FOXN3: variants seen among roughly 807,000 people sequenced by gnomAD.
FOXN3 encodes forkhead box N3.
In FOXN3, 7 loss-of-function variants were observed where a neutral mutation model predicts 38.4. The observed-to-expected ratio is 0.18, with a 90% CI of 0.10 to 0.34. The LOEUF is 0.34. FOXN3 is among the 10% of genes least tolerant of loss of function. FOXN3 has a pLI of 1.00. For synonymous variants in FOXN3, 230 were observed against 242.2 expected (o/e 0.95, Z 0.47); for missense variants, 456 against 613.4 (o/e 0.74, Z 2.71).
At position 89,301,408 on chromosome 14, in the gene FOXN3, T is replaced by C. The variant is rs112846206; in HGVS notation, c.681-20394A>G. Reference sequence around the variant, plus strand: ...GGAGGATCACTTGAACCCAGGAACTTGTGGCTGCCATGAGCCATGATCATG... The same window carrying C: ...GGAGGATCACTTGAACCCAGGAACTCGTGGCTGCCATGAGCCATGATCATG... On this transcript the variant is annotated intron_variant, in intron 3 of 5. Coordinates refer to ENST00000557258, the MANE Select transcript of FOXN3 (RefSeq NM_005197.4). Among the ~76,000 whole-genome samples the C allele has an allele frequency of 8.5e-3, 1,288 of 151,930 alleles. 21 individuals are homozygous for C. Among genetic ancestry groups the C allele is most frequent in the African/African-American group, 0.027 (1,132 of 41,412 alleles).
At chr14:89,581,401 GAACCCAGGAGGC>G (rs1325028613) in intron 1 of FOXN3, among the ~76,000 whole-genome samples, 2 of 151,628 alleles carry the variant, frequency 1.3e-5, no homozygotes, top group African/African-American at 4.8e-5. Context: ...AGAATCACTT[GAACCCAGGAGGC>G]AGAGGTTGCA....
intron 1 of FOXN3, among the ~76,000 whole-genome samples, chr14:89,555,884 G>GGGGGGGGGGGGTGT (rs1895112741): frequency 1.1e-5 from 1 of 90,184 alleles, no homozygotes; most frequent in Non-Finnish European, 2.5e-5. Flanking sequence ...TGTATGTGGG[G>GGGGGGGGGGGGTGT]GTGTATGTGG....
At chr14:89,335,442 A>G (rs1342000119) in intron 3 of FOXN3, among the ~76,000 whole-genome samples, 2 of 152,264 alleles carry the variant, frequency 1.3e-5, no homozygotes, top group African/African-American at 4.8e-5. Flanking sequence ...GGCACAGCCA[A>G]AATGACCAAC....
intron 1 of FOXN3, among the ~76,000 whole-genome samples, chr14:89,447,793 G>C (rs1892533791): frequency 6.8e-6 from 1 of 147,000 alleles, no homozygotes; most frequent in African/African-American, 2.5e-5. Flanking sequence ...CATCCGCAGT[G>C]GTTTCCTGAT....
chr14:89,550,020 G>C (rs536388152), intron 1 of FOXN3, among the ~76,000 whole-genome samples: 1 of 152,208 alleles, frequency 6.6e-6, no homozygotes, highest in Non-Finnish European at 1.5e-5. Flanking sequence ...AGCAGGACTA[G>C]AGAGTTTTGC....
At chr14:89,305,066 A>G (rs1887332132) in intron 3 of FOXN3, among the ~76,000 whole-genome samples, 1 of 152,074 alleles carries the variant, frequency 6.6e-6, no homozygotes, top group South Asian at 2.1e-4. Flanking sequence ...CATTTTACGA[A>G]GTTGTCCTAG....
At chr14:89,174,534 A>G (rs1041927137) in intron 5 of FOXN3, among the ~76,000 whole-genome samples, 9 of 152,218 alleles carry the variant, frequency 5.9e-5, no homozygotes, top group African/African-American at 2.2e-4. Flanking sequence ...TTGCATTTAC[A>G]ACAGTCCAGA....
intron 1 of FOXN3, among the ~76,000 whole-genome samples, chr14:89,427,675 A>G (rs1309041307): frequency 6.6e-6 from 1 of 151,952 alleles, no homozygotes; most frequent in East Asian, 1.9e-4. Flanking sequence ...TTCAACTTCT[A>G]TGTCATAATC....
intron 3 of FOXN3, among the ~76,000 whole-genome samples, chr14:89,334,331 T>C (rs7160978): frequency 0.18 from 27,186 of 152,070 alleles, 2,826 homozygotes; most frequent in South Asian, 0.3. Context: ...GTAAGTTGGC[T>C]GGATGTGGTG....
At chr14:89,168,511 A>G (rs565426654) in intron 5 of FOXN3, among the ~76,000 whole-genome samples, 2 of 152,294 alleles carry the variant, frequency 1.3e-5, no homozygotes, top group East Asian at 1.9e-4. Context: ...AAAAAACTCA[A>G]TGTAGCTGAA....
In FOXN3 at chr14:89,290,194, A is replaced by AGG. The variant is rs201157024; in HGVS notation, c.681-9182_681-9181dup. 3.7e-3 allele frequency: 882 copies of AGG among 238,252 alleles called. 5 individuals carry two copies. Among genetic ancestry groups the AGG allele is most frequent in the African/African-American group, 0.019 (822 of 43,410 alleles). The allele number at this position is 238,252 out of a possible 1,614,324, so 14.8% of individuals were successfully genotyped here. ...TTTGTTTGATGGAGGGACTCAGGTGAGGGGGTTCACTGACCAACTTGGATC... is the reference window on the plus strand; with the variant it reads ...TTTGTTTGATGGAGGGACTCAGGTGAGGGGGGGTTCACTGACCAACTTGGATC... On this transcript the variant is annotated intron_variant, in intron 3 of 5. Transcript: ENST00000557258.
intron 4 of FOXN3, among the ~76,000 whole-genome samples, chr14:89,181,589 TCTC>T (rs1887676544): frequency 6.6e-6 from 1 of 152,046 alleles, no homozygotes; most frequent in Non-Finnish European, 1.5e-5. Context: ...CATCCCACCT[TCTC>T]CTAAACACAC....
chr14:89,323,449 A>G (rs1887952748), intron 3 of FOXN3, among the ~76,000 whole-genome samples: 1 of 151,910 alleles, frequency 6.6e-6, no homozygotes, highest in Non-Finnish European at 1.5e-5. Flanking sequence ...GGCTGGGCAC[A>G]GTGGTTCACG....
chr14:89,342,959 T>C (rs761187394), intron 3 of FOXN3, among the ~76,000 whole-genome samples: 1 of 152,338 alleles, frequency 6.6e-6, no homozygotes, highest in East Asian at 1.9e-4. Context: ...AAGCAACTAA[T>C]CGAAATCCTT....
chr14:89,320,020 T>C (rs1477052680), intron 3 of FOXN3, among the ~76,000 whole-genome samples: 1 of 152,148 alleles, frequency 6.6e-6, no homozygotes, highest in Non-Finnish European at 1.5e-5. Context: ...TGCTGCAGAA[T>C]CAAACACAAT....
At chr14:89,443,167 G>A (rs1375374192) in intron 1 of FOXN3, among the ~76,000 whole-genome samples, 4 of 152,206 alleles carry the variant, frequency 2.6e-5, no homozygotes, top group African/African-American at 9.7e-5. Flanking sequence ...GACTAGTCAT[G>A]AGTGGTAACT....
chr14:89,501,626 G>A (rs1277374950), intron 1 of FOXN3, among the ~76,000 whole-genome samples: 1 of 152,196 alleles, frequency 6.6e-6, no homozygotes, highest in Non-Finnish European at 1.5e-5. Flanking sequence ...GTTAAGTCAT[G>A]AGCCATCACT....
At chr14:89,287,749 TAAAAAAA>T (rs58930677) in intron 3 of FOXN3, among the ~76,000 whole-genome samples, 19 of 129,692 alleles carry the variant, frequency 1.5e-4, no homozygotes, top group African/African-American at 2.6e-4. Flanking sequence ...TAAAGAATGC[TAAAAAAA>T]AAAAAAAAAA....
At chr14:89,553,333 C>T (rs2139866410) in intron 1 of FOXN3, among the ~76,000 whole-genome samples, 1 of 151,034 alleles carries the variant, frequency 6.6e-6, no homozygotes, top group East Asian at 1.9e-4. Flanking sequence ...CCACACAGTT[C>T]CCCATAATTA....
Sources: allele counts gnomAD v4.1 joint callset (sites outside exome capture counted in the v4.1 genomes callset), GRCh38; gene constraint gnomAD v4.1.1; transcripts MANE v1.5; gene names NCBI Gene and HGNC (gene_info 2026-07-23, HGNC 2026-07-21).